NPFFR2: variants seen among roughly 807,000 people sequenced by gnomAD.
The protein encoded by NPFFR2 is neuropeptide FF receptor 2, also known as G-protein coupled receptor 74.
Under a neutral mutation model 13.1 loss-of-function variants are expected in NPFFR2, and 15 were observed. That is an observed-to-expected ratio of 1.15 (90% confidence interval 0.77 to 1.76). The LOEUF is 1.76. NPFFR2 is among the 40% of genes most tolerant of loss of function. The probability of loss-of-function intolerance (pLI) is 0.00; values close to 1 mark genes in which losing one functional copy is unlikely to be tolerated. For synonymous variants in NPFFR2, 190 were observed against 175.7 expected (o/e 1.08, Z -0.65); for missense variants, 572 against 503.5 (o/e 1.14, Z -1.30).
At chr4:72,108,281 G>GA (rs1721472582) in intron 1 of NPFFR2, among the ~76,000 whole-genome samples, 1 of 151,942 alleles carries the variant, frequency 6.6e-6, no homozygotes, top group East Asian at 1.9e-4. Flanking sequence ...GCCTATTAAA[G>GA]AATTAAATAA....
rs982842692 is a variant in NPFFR2 at position 72,032,307 on chromosome 4, A to C, written c.-8+107A>C. 15 of 1,253,402 alleles carry C rather than the reference A, an allele frequency of 1.2e-5. No homozygotes were observed. In the African/African-American group the frequency reaches 2.1e-4, roughly 18 times the overall value. 77.6% of individuals were successfully genotyped at this position (1,253,402 alleles called of 1,614,324 possible). A position where few individuals can be genotyped will look rare whatever the true frequency, so the allele number is the denominator to read the frequency against. ...CACATATTAGCGATTGTGGACCGAC[A>C]CCTTGGATTTTTCAAATCCCTTCCT... On this transcript the variant is annotated intron_variant, in intron 1 of 3. Coordinates refer to ENST00000308744, the MANE Select transcript of NPFFR2 (RefSeq NM_004885.3).
intron 1 of NPFFR2, among the ~76,000 whole-genome samples, chr4:72,057,946 A>G (rs562041287): frequency 6.6e-6 from 1 of 152,120 alleles, no homozygotes; most frequent in South Asian, 2.1e-4. Flanking sequence ...ACCTGCACAA[A>G]TCCAAATGGA....
At chr4:72,130,752 A>G (rs1242906259) in intron 2 of NPFFR2, among the ~76,000 whole-genome samples, 1 of 152,152 alleles carries the variant, frequency 6.6e-6, no homozygotes, top group Non-Finnish European at 1.5e-5. Flanking sequence ...GGCTGTGTCT[A>G]GAGGTTGCCT....
intron 1 of NPFFR2, among the ~76,000 whole-genome samples, chr4:72,087,409 C>T (rs1720800480): frequency 6.6e-6 from 1 of 151,996 alleles, no homozygotes; most frequent in Non-Finnish European, 1.5e-5. Context: ...TAATACAATT[C>T]TTATTGCCTT....
At chr4:72,125,612 A>G (rs1199306366) in intron 1 of NPFFR2, among the ~76,000 whole-genome samples, 2 of 152,318 alleles carry the variant, frequency 1.3e-5, no homozygotes, top group East Asian at 3.9e-4. Flanking sequence ...GGCTCTACAG[A>G]AGAATCTGAC....
At chr4:72,095,911 T>A (rs1388705759) in intron 1 of NPFFR2, among the ~76,000 whole-genome samples, 4 of 152,338 alleles carry the variant, frequency 2.6e-5, no homozygotes, top group Non-Finnish European at 4.4e-5. Flanking sequence ...GCTCTCCTTA[T>A]TTGTTTTCCA....
chr4:72,142,126 A>G (rs1205213941), intron 3 of NPFFR2, among the ~76,000 whole-genome samples: 2 of 151,880 alleles, frequency 1.3e-5, no homozygotes, highest in East Asian at 3.9e-4. Flanking sequence ...ATCTTCCTCC[A>G]TCCCTTTCTT....
intron 1 of NPFFR2, among the ~76,000 whole-genome samples, chr4:72,068,405 G>A (rs1720135793): frequency 6.6e-6 from 1 of 152,142 alleles, no homozygotes; most frequent in African/African-American, 2.4e-5. Flanking sequence ...AAAAGGCTTA[G>A]TCCCATTTAT....
At chr4:72,144,269 C>A (rs750756078) in intron 3 of NPFFR2, among the ~76,000 whole-genome samples, 1 of 152,116 alleles carries the variant, frequency 6.6e-6, no homozygotes, top group African/African-American at 2.4e-5. Flanking sequence ...TTGAAGGTAC[C>A]TGGACTTCTT....
chr4:72,051,137 A>C (rs945715851), intron 1 of NPFFR2, among the ~76,000 whole-genome samples: 21 of 151,834 alleles, frequency 1.4e-4, no homozygotes, highest in Non-Finnish European at 3.1e-4. Context: ...CAGTAATGGG[A>C]TGGCTGGGTC....
intron 1 of NPFFR2, among the ~76,000 whole-genome samples, chr4:72,103,074 T>C (rs1053234061): frequency 6.6e-6 from 1 of 152,164 alleles, no homozygotes; most frequent in African/African-American, 2.4e-5. Context: ...CTAACTGGTG[T>C]GAGATGATAT....
intron 1 of NPFFR2, among the ~76,000 whole-genome samples, chr4:72,055,513 C>T (rs866472782): frequency 4.6e-5 from 7 of 151,996 alleles, no homozygotes; most frequent in African/African-American, 9.6e-5. Flanking sequence ...TGAGACAAAA[C>T]GATATCAAAA....
At chr4:72,128,997 C>T in intron 2 of NPFFR2, 78 bp downstream of exon 2, 2 of 1,083,776 alleles carry the variant, frequency 1.8e-6, no homozygotes, top group Middle Eastern at 2.3e-4. Context: ...CAGGGCTGTT[C>T]ATTCATTCAT....
chr4:72,059,030 G>A (rs4403015), intron 1 of NPFFR2, among the ~76,000 whole-genome samples: 135,606 of 152,052 alleles, frequency 0.89, 61,561 homozygotes, highest in Non-Finnish European at 0.98. Flanking sequence ...TCCCTTTGGA[G>A]GGAATAGCTA....
At chr4:72,057,406 C>T (rs182496624) in intron 1 of NPFFR2, among the ~76,000 whole-genome samples, 1 of 151,946 alleles carries the variant, frequency 6.6e-6, no homozygotes, top group Non-Finnish European at 1.5e-5. Flanking sequence ...GAAAGATCTC[C>T]GAGAAAATTC....
At chr4:72,050,829 G>T (rs1719536953) in intron 1 of NPFFR2, among the ~76,000 whole-genome samples, 1 of 140,006 alleles carries the variant, frequency 7.1e-6, no homozygotes, top group Non-Finnish European at 1.5e-5. Context: ...TGTTCTCATT[G>T]TTCAATTCCC....
intron 1 of NPFFR2, 81 bp from the exon 2 acceptor site, chr4:72,128,504 G>A (rs1467880159): frequency 1.3e-6 from 1 of 782,736 alleles, no homozygotes. Context: ...TTTTACAAGT[G>A]TTCCTCTTAA....
chr4:72,099,285 C>T (rs1159110719), intron 1 of NPFFR2, among the ~76,000 whole-genome samples: 1 of 151,506 alleles, frequency 6.6e-6, no homozygotes, highest in Non-Finnish European at 1.5e-5. Context: ...AACAATGGAT[C>T]TGGTAAAAAA....
Position 72,119,599 on chromosome 4 carries a change from G to A in NPFFR2, c.-7-8986G>A, listed in dbSNP as rs180827514. Among the ~76,000 whole-genome samples the A allele has an allele frequency of 2.0e-5, 3 of 152,176 alleles. No individual in the cohort carries two copies. The East Asian group carries it at 5.9e-4, about 30-fold the overall frequency. On this transcript the variant is annotated intron_variant, in intron 1 of 3. Coordinates refer to ENST00000308744, the MANE Select transcript of NPFFR2 (RefSeq NM_004885.3). ...GTACCCAGTTCATCTCATTGGGACTGGTTAGACAGTGGGTGCAGCCCACGG... is the reference window on the plus strand; with the variant it reads ...GTACCCAGTTCATCTCATTGGGACTAGTTAGACAGTGGGTGCAGCCCACGG...
Sources: gnomAD v4.1 joint callset for allele counts (sites outside exome capture counted in the v4.1 genomes callset) on GRCh38, gnomAD v4.1.1 for gene constraint, MANE v1.5 for transcripts, NCBI Gene and HGNC (gene_info 2026-07-23, HGNC 2026-07-21) for gene names.